MCPH1: variants seen among roughly 807,000 people sequenced by gnomAD.
The protein encoded by MCPH1 is microcephalin 1.
MCPH1 carries 104 observed loss-of-function variants against 84.5 expected under a neutral mutation model. That is an observed-to-expected ratio of 1.23 (90% CI 1.05 to 1.45). MCPH1 has a LOEUF of 1.45. Ranked by LOEUF, MCPH1 falls within the 40% of genes most tolerant of loss-of-function variation. The probability of loss-of-function intolerance (pLI) is 0.00; values close to 1 mark genes in which losing one functional copy is unlikely to be tolerated. For synonymous variants in MCPH1, 514 were observed against 366.8 expected (o/e 1.40, Z -4.58); for missense variants, 1,498 against 1,005.7 (o/e 1.49, Z -6.62).
intron 3 of MCPH1, among the ~76,000 whole-genome samples, chr8:6,417,047 C>G (rs1563175612): frequency 6.6e-6 from 1 of 150,382 alleles, no homozygotes. Flanking sequence ...CATTATCTTT[C>G]ACTTTCAGAA....
At chr8:6,419,063 G>T (rs1395146920) in intron 3 of MCPH1, among the ~76,000 whole-genome samples, 2 of 151,494 alleles carry the variant, frequency 1.3e-5, no homozygotes, top group Admixed American at 6.6e-5. Context: ...TGTTTACGTT[G>T]GGCCTGCTTA....
intron 3 of MCPH1, among the ~76,000 whole-genome samples, chr8:6,423,354 A>G (rs1255679970): frequency 6.7e-6 from 1 of 149,794 alleles, no homozygotes; most frequent in African/African-American, 2.5e-5. Context: ...TTTAGTAGAG[A>G]CGGGGTTTCA....
intron 12 of MCPH1, among the ~76,000 whole-genome samples, chr8:6,559,230 AACACACACACAC>A (rs59299448): frequency 2.7e-5 from 4 of 146,726 alleles, no homozygotes; most frequent in African/African-American, 9.9e-5. Flanking sequence ...CACACACGAC[AACACACACACAC>A]ACACACACAC....
chr8:6,505,293 A>G (rs1365581873), intron 12 of MCPH1, among the ~76,000 whole-genome samples: 1 of 69,582 alleles, frequency 1.4e-5, no homozygotes, highest in East Asian at 4.5e-4. Context: ...TATGTTATAT[A>G]CATATATATG....
chr8:6,640,102 G>GCA lies in MCPH1; in HGVS notation c.2453-2891_2453-2890insAC, dbSNP rs1563228110. Among the ~76,000 whole-genome samples, 14 of 141,096 alleles carry GCA rather than the reference G, an allele frequency of 9.9e-5. No individual in the cohort carries two copies. The East Asian group carries it at 1.6e-3, about 16-fold the overall frequency. The allele number at this position is 141,096 out of a possible 152,430, so 92.6% of individuals were successfully genotyped here. A position where few individuals can be genotyped will look rare whatever the true frequency, so the allele number is the denominator to read the frequency against. ...TGTGTGTGTGTGTGTGTGTGTGCGC[G>GCA]CGCGTGTGTGTGTGTGTGCGTGTGT... On this transcript the variant is annotated intron_variant, in intron 13 of 13. Coordinates refer to ENST00000344683, the MANE Select transcript of MCPH1 (RefSeq NM_024596.5).
At chr8:6,562,088 A>T (rs1443902485) in intron 12 of MCPH1, among the ~76,000 whole-genome samples, 1 of 152,210 alleles carries the variant, frequency 6.6e-6, no homozygotes, top group Non-Finnish European at 1.5e-5. Flanking sequence ...ATTCTGAGAA[A>T]CATAAGGTCT....
chr8:6,539,906 A>C (rs1035015232), intron 12 of MCPH1, among the ~76,000 whole-genome samples: 1 of 152,196 alleles, frequency 6.6e-6, no homozygotes, highest in South Asian at 2.1e-4. Context: ...TTTATGAGTG[A>C]CTATCTGATA....
chr8:6,469,255 A>G (rs1191714495), intron 9 of MCPH1, among the ~76,000 whole-genome samples: 4 of 152,224 alleles, frequency 2.6e-5, no homozygotes, highest in Non-Finnish European at 4.4e-5. Flanking sequence ...CATAGCATGT[A>G]TAAAATTAAA....
chr8:6,481,602 A>G (rs59997562), intron 11 of MCPH1, among the ~76,000 whole-genome samples: 388 of 152,262 alleles, frequency 2.5e-3, no homozygotes, highest in African/African-American at 7.5e-3. Context: ...TCATACTCAT[A>G]CTGTGTTCAT....
chr8:6,445,101 A>AT lies in MCPH1; in HGVS notation c.1384dup (p.Ser462PhefsTer11). The AT allele has an allele frequency of 6.2e-7, 1 of 1,614,220 alleles. No homozygotes were observed. Among genetic ancestry groups the AT allele is most frequent in the South Asian group, 1.1e-5 (1 of 91,086 alleles). On this transcript the variant is annotated frameshift_variant, in exon 8 of 14. Coordinates refer to ENST00000344683, the MANE Select transcript of MCPH1 (RefSeq NM_024596.5). LOFTEE classifies it high-confidence loss of function. ...AGAACAAGCATATTTGAAATGTCTG[A>AT]TTTTTCCTGCGTTGGCAAAAAAACC...
chr8:6,477,633 T>C lies in MCPH1; in HGVS notation c.1973+2T>C. The C allele has an allele frequency of 6.2e-7, 1 of 1,611,442 alleles. No individual in the cohort carries two copies. The highest frequency in any genetic ancestry group is 8.5e-7 in the Non-Finnish European group (1 of 1,177,900). On this transcript the variant is annotated splice_donor_variant, in intron 10 of 13. Transcript: ENST00000344683. LOFTEE classifies it high-confidence loss of function. ...AGTCATGACAAGCATGCCATCTGAG[T>C]AAGTACTTGTTTTGATTTCTGTTCA...
chr8:6,617,256 T>TGGGGG (rs35452133), intron 12 of MCPH1: 2 of 112,886 alleles, frequency 1.8e-5, no homozygotes, highest in African/African-American at 7.8e-5. Context: ...GGTTTTTTGG[T>TGGGGG]GGGGGGGGGG....
chr8:6,515,147 T>C (rs1396750754), intron 12 of MCPH1, among the ~76,000 whole-genome samples: 1 of 152,004 alleles, frequency 6.6e-6, no homozygotes, highest in Non-Finnish European at 1.5e-5. Context: ...GAACCCCACA[T>C]CTCCATCCTG....
chr8:6,501,097 A>T (rs1021857181), intron 12 of MCPH1: 1 of 152,216 alleles, frequency 6.6e-6, no homozygotes, highest in Non-Finnish European at 1.5e-5. Context: ...TATAAAGTAG[A>T]TACAGTTCTA....
chr8:6,450,554 C>T (rs1040377828), intron 8 of MCPH1, among the ~76,000 whole-genome samples: 2 of 149,852 alleles, frequency 1.3e-5, no homozygotes, highest in African/African-American at 2.5e-5. Flanking sequence ...TATTGGGTTC[C>T]CCTGCAATAT....
At chr8:6,539,164 C>T (rs567332484) in intron 12 of MCPH1, among the ~76,000 whole-genome samples, 3 of 152,300 alleles carry the variant, frequency 2.0e-5, no homozygotes, top group Admixed American at 6.5e-5. Context: ...AGCACTTTGT[C>T]CTCCTAAACC....
In MCPH1 at chr8:6,525,644, G is replaced by A. The variant is rs117576632; in HGVS notation, c.2214+25715G>A. Among the ~76,000 whole-genome samples, 127 of 151,858 alleles carry A rather than the reference G, an allele frequency of 8.4e-4. 3 individuals are homozygous for A. The East Asian group carries it at 0.024, about 28-fold the overall frequency. On this transcript the variant is annotated intron_variant, in intron 12 of 13. Transcript: ENST00000344683. ...TGCATATTTTTGTAATGATATACTT[G>A]CAAATAAAATCATAGGCCAGTCAGA...
intron 3 of MCPH1, among the ~76,000 whole-genome samples, chr8:6,429,528 CTT>C (rs112056239): frequency 6.8e-6 from 1 of 146,652 alleles, no homozygotes; most frequent in African/African-American, 2.5e-5. Flanking sequence ...TTGGGTTTCC[CTT>C]TTTTTTTTTA....
intron 12 of MCPH1, among the ~76,000 whole-genome samples, chr8:6,566,305 C>G (rs1826145029): frequency 6.6e-6 from 1 of 152,196 alleles, no homozygotes; most frequent in African/African-American, 2.4e-5. Flanking sequence ...AGGTGCTGGG[C>G]AAGGCCGTCC....
Sources: allele counts gnomAD v4.1 joint callset (sites outside exome capture counted in the v4.1 genomes callset), GRCh38; gene constraint gnomAD v4.1.1; transcripts MANE v1.5; gene names NCBI Gene and HGNC (gene_info 2026-07-23, HGNC 2026-07-21).